Variants in CPSF6 observed in about 807,000 individuals in gnomAD.
CPSF6 encodes the protein cleavage and polyadenylation specific factor 6, also known as cleavage and polyadenylation specificity factor subunit 6.
A neutral mutation model predicts 56.7 loss-of-function variants in CPSF6; 10 were observed. That is an observed-to-expected ratio of 0.18 (90% CI 0.11 to 0.30). CPSF6 has a LOEUF of 0.30. CPSF6 is among the 10% of genes least tolerant of loss of function. The probability of loss-of-function intolerance (pLI) is 1.00; values close to 1 mark genes in which losing one functional copy is unlikely to be tolerated. For missense variants in CPSF6, 419 were observed against 722.9 expected, an observed-to-expected ratio of 0.58 and a Z score of 4.82; for synonymous variants, 248 against 244.8, an observed-to-expected ratio of 1.01 and a Z score of -0.12.
In CPSF6 at chr12:69,257,792, G is replaced by T. The variant is rs759787272; in HGVS notation, c.581G>T (p.Arg194Leu). ...GCTGGTCCTCCAGGAGGCAGTTCCC[G>T]TGCAGCATTTCCACAAGGTGGTAGA... The part of the protein sequence containing the change: ...GKAGPPGGSS[R>L]AAFPQGGRGR... Residue 194 changes from arginine (R) to leucine (L), a missense_variant, in exon 5 of 10, where the codon CGT becomes CTT. Physicochemically the swap from Arg to Leu is moderately radical, Grantham distance 102 (BLOSUM62 -2). This residue lies in a region of CPSF6 where 211 missense variants were observed against 296.0 expected (regional missense o/e 0.71). Coordinates refer to ENST00000435070, the MANE Select transcript of CPSF6 (RefSeq NM_007007.3). The T allele has an allele frequency of 6.2e-7, 1 of 1,613,462 alleles. No homozygotes were observed.
chr12:69,267,262 T>G (rs1873035898), intron 9 of CPSF6, among the ~76,000 whole-genome samples: 1 of 152,072 alleles, frequency 6.6e-6, no homozygotes, highest in Non-Finnish European at 1.5e-5. Flanking sequence ...TAGATAAATT[T>G]CTAACAGAAA....
At position 69,259,086 on chromosome 12, in the gene CPSF6, C is replaced by T; in HGVS notation, c.1191C>T (p.Pro397=). 2 of 1,599,450 alleles carry T rather than the reference C, an allele frequency of 1.3e-6. No individual in the cohort carries two copies. Among genetic ancestry groups the T allele is most frequent in the African/African-American group, 1.3e-5 (1 of 74,988 alleles). The change falls in exon 6 of 10, where the codon CCC becomes CCT. Residue 397 remains proline (P), a synonymous_variant. Coordinates refer to ENST00000435070, the MANE Select transcript of CPSF6 (RefSeq NM_007007.3). ...PPPYDRGDYG[P]PGREMDTART... ...CATATGATAGGGGTGACTATGGCCC[C>T]CCTGGAAGGTAAGTTAGTGTGTATC...
chr12:69,255,571 T>G (rs1231948497), intron 3 of CPSF6, among the ~76,000 whole-genome samples: 1 of 152,230 alleles, frequency 6.6e-6, no homozygotes, highest in Non-Finnish European at 1.5e-5. Flanking sequence ...AGACAGAGTC[T>G]CACTCTGTCA....
rs530758685 is a variant in CPSF6 at position 69,264,082 on chromosome 12, T to C, written c.*3+1520T>C. 7.2e-5 allele frequency among the ~76,000 whole-genome samples: 11 copies of C among 152,198 alleles called. No individual in the cohort carries two copies. In the South Asian group the frequency reaches 2.3e-3, roughly 32 times the overall value. On this transcript the variant is annotated intron_variant, in intron 9 of 9. Transcript: ENST00000435070. ...ACTAAATTTTAAAGATGTAGCACTTTTTTCCCCTGAGTTAAATACATCTGA... is the reference window on the plus strand; with the variant it reads ...ACTAAATTTTAAAGATGTAGCACTTCTTTCCCCTGAGTTAAATACATCTGA...
chr12:69,246,578 A>G (rs1871920760), intron 1 of CPSF6, among the ~76,000 whole-genome samples: 1 of 152,238 alleles, frequency 6.6e-6, no homozygotes, highest in Non-Finnish European at 1.5e-5. Context: ...ATAACTACTG[A>G]GAACATAATT....
Position 69,251,238 on chromosome 12 carries a change from C to T in CPSF6, c.170C>T (p.Pro57Leu). 1 of 1,613,116 alleles carries T rather than the reference C, an allele frequency of 6.2e-7. No homozygotes were observed. The change falls in exon 2 of 10, where the codon CCA becomes CTA. Residue 57 changes from proline to leucine, a missense_variant. This residue lies in a region of CPSF6 where 125 missense variants were observed against 216.4 expected (regional missense o/e 0.58). Transcript: ENST00000435070. The part of the protein sequence containing the change: ...PEDRDYMDTL[P>L]PTVGDDVGKG... ...GACCGAGATTACATGGATACTCTCC[C>T]ACCAACTGTTGGTGATGATGTGGGT...
intron 8 of CPSF6, 141 bp downstream of exon 8, chr12:69,260,338 AAT>A (rs1171517029): frequency 6.5e-6 from 4 of 617,968 alleles, no homozygotes; most frequent in South Asian, 6.3e-5. Flanking sequence ...TTTAACTCTA[AAT>A]GTTAGTTGCT....
At chr12:69,249,129 G>A (rs955571491) in intron 1 of CPSF6, among the ~76,000 whole-genome samples, 26 of 131,698 alleles carry the variant, frequency 2.0e-4, no homozygotes, top group African/African-American at 7.3e-4. Context: ...GCAAGGTAGC[G>A]GGCGCCTGTA....
chr12:69,261,708 T>C (rs1196739261), intron 8 of CPSF6, among the ~76,000 whole-genome samples: 1 of 152,238 alleles, frequency 6.6e-6, no homozygotes, highest in Non-Finnish European at 1.5e-5. Context: ...ACTGTGAATT[T>C]AGCAGAATTT....
rs746569067 is a variant in CPSF6, at chr12:69,256,656, C to G, written c.375-41C>G. 4 of 1,553,438 alleles carry G rather than the reference C, an allele frequency of 2.6e-6. No homozygotes were observed. The East Asian group carries it at 9.0e-5, about 35-fold the overall frequency. ...GAAGAATAACAGTAATAATATTGAT[C>G]TCTTTTTACTTTGTATCCTCACCCC... On this transcript the variant is annotated intron_variant, in intron 3 of 9. Transcript: ENST00000435070.
intron 1 of CPSF6, among the ~76,000 whole-genome samples, chr12:69,247,115 A>G (rs947506118): frequency 9.6e-6 from 1 of 104,116 alleles, no homozygotes; most frequent in Non-Finnish European, 2.1e-5. Flanking sequence ...TAAGAGGGGT[A>G]ATTAGGGAAA....
chr12:69,242,902 A>C (rs1871700385), intron 1 of CPSF6, among the ~76,000 whole-genome samples: 1 of 152,122 alleles, frequency 6.6e-6, no homozygotes, highest in African/African-American at 2.4e-5. Flanking sequence ...TGAGGTCAGG[A>C]GTTGCAGACC....
At chr12:69,259,903 CTG>C in intron 7 of CPSF6, 139 bp from the exon 8 acceptor site, 1 of 825,550 alleles carries the variant, frequency 1.2e-6, no homozygotes, top group Non-Finnish European at 1.9e-6. Context: ...TGGTGAAACA[CTG>C]AAAGAAGACA....
intron 1 of CPSF6, among the ~76,000 whole-genome samples, chr12:69,247,449 ACAG>A (rs3837480): frequency 0.061 from 9,237 of 152,162 alleles, 608 homozygotes; most frequent in South Asian, 0.29. Context: ...GCTACTATGA[ACAG>A]CAGATAAGAT....
chr12:69,242,213 A>C (rs546288703), intron 1 of CPSF6, among the ~76,000 whole-genome samples: 14 of 151,592 alleles, frequency 9.2e-5, no homozygotes, highest in African/African-American at 3.4e-4. Flanking sequence ...TAAAAAAAAA[A>C]TCTTTGTTTT....
chr12:69,240,671 A>G (rs1471289057), intron 1 of CPSF6, among the ~76,000 whole-genome samples: 1 of 152,108 alleles, frequency 6.6e-6, no homozygotes, highest in African/African-American at 2.4e-5. Flanking sequence ...TTTCGAAAAC[A>G]AAGTGTTAAA....
In CPSF6 at chr12:69,257,526, T is replaced by C. The variant is rs2231693; in HGVS notation, c.521-206T>C. Among the ~76,000 whole-genome samples, 395 of 152,334 alleles carry C rather than the reference T, an allele frequency of 2.6e-3. 3 individuals are homozygous for C. Among genetic ancestry groups the C allele is most frequent in the African/African-American group, 8.6e-3 (356 of 41,588 alleles). ...AACTCACGATTACCTATGGAAAATA[T>C]ATTTAAACCTGGATATTTTGAGTCT... On this transcript the variant is annotated intron_variant, in intron 4 of 9. Transcript: ENST00000435070.
In CPSF6 at chr12:69,239,582, C is replaced by G. The variant is rs1280158541; in HGVS notation, c.-65C>G. ...CCCCCCACCGCCGCTAGATCCGCTG[C>G]TGCTGCCGCGGCGGGCAGACCTGCA... On this transcript the variant is annotated 5_prime_UTR_variant, in exon 1 of 10. Coordinates refer to ENST00000435070, the MANE Select transcript of CPSF6 (RefSeq NM_007007.3). 1 of 1,520,266 alleles carries G rather than the reference C, an allele frequency of 6.6e-7. No homozygotes were observed. The allele number at this position is 1,520,266 out of a possible 1,614,324, so 94.2% of individuals were successfully genotyped here.
At chr12:69,249,754 G>C (rs944186047) in intron 1 of CPSF6, among the ~76,000 whole-genome samples, 13 of 152,098 alleles carry the variant, frequency 8.5e-5, no homozygotes, top group Non-Finnish European at 1.6e-4. Context: ...TGAGTGTTCT[G>C]CTTTTACCTA....
Sources: allele counts gnomAD v4.1 joint callset (sites outside exome capture counted in the v4.1 genomes callset), GRCh38; gene constraint gnomAD v4.1.1; regional missense constraint gnomAD v4.1.1; transcripts MANE v1.5; gene names NCBI Gene and HGNC (gene_info 2026-07-23, HGNC 2026-07-21).